Variants in GSE1 observed in about 807,000 individuals in gnomAD.
The protein encoded by GSE1 is genetic suppressor element 1.
In GSE1, 32 loss-of-function variants were observed where a neutral mutation model predicts 112.6. The ratio of observed to expected loss-of-function variants is 0.28; its 90% CI spans 0.21 to 0.38. The LOEUF (loss-of-function observed/expected upper bound fraction) is 0.38, where lower values mean the gene tolerates loss of function less well. Among genes scored for constraint, GSE1 ranks in the 10% least tolerant of loss-of-function variants. The probability of loss-of-function intolerance (pLI) is 1.00; values close to 1 mark genes in which losing one functional copy is unlikely to be tolerated. For synonymous variants in GSE1, 1,115 were observed against 735.6 expected (o/e 1.52, Z -8.35); for missense variants, 2,348 against 1,699.2 (o/e 1.38, Z -6.71).
chr16:85,504,968 C>T (rs780914870), intron 2 of GSE1, among the ~76,000 whole-genome samples: 5 of 152,116 alleles, frequency 3.3e-5, no homozygotes, highest in Non-Finnish European at 7.3e-5. Flanking sequence ...TCGAGAGTTC[C>T]TTCTGTTCCC....
intron 1 of GSE1, among the ~76,000 whole-genome samples, chr16:85,299,433 G>A (rs947528033): frequency 1.2e-4 from 18 of 152,166 alleles, no homozygotes; most frequent in African/African-American, 4.3e-4. Flanking sequence ...CTGGCCACAG[G>A]GGAATCCAGG....
At chr16:85,235,570 TGTGGG>T (rs1904536393) in intron 1 of GSE1, among the ~76,000 whole-genome samples, 1 of 24,312 alleles carries the variant, frequency 4.1e-5, no homozygotes, top group Non-Finnish European at 8.7e-5. Context: ...TATGTGTGTG[TGTGGG>T]TGGGGGGGGG....
At chr16:85,335,378 A>G (rs4783167) in intron 1 of GSE1, among the ~76,000 whole-genome samples, 124,726 of 152,282 alleles carry the variant, frequency 0.82, 51,431 homozygotes, top group East Asian at 1. Flanking sequence ...GAGTGAGTTC[A>G]GTCGGCTTTT....
chr16:85,401,381 G>A (rs2048111241), intron 2 of GSE1, among the ~76,000 whole-genome samples: 1 of 152,168 alleles, frequency 6.6e-6, no homozygotes, highest in African/African-American at 2.4e-5. Flanking sequence ...TGGGGCACCA[G>A]GGGTGGGGGC....
intron 2 of GSE1, among the ~76,000 whole-genome samples, chr16:85,394,133 G>A (rs186558243): frequency 8.5e-5 from 13 of 152,176 alleles, no homozygotes; most frequent in Admixed American, 2.6e-4. Context: ...GTCGGGGACC[G>A]GGGAAGGCTC....
chr16:85,389,494 G>T lies in GSE1; in HGVS notation c.2464+31851G>T, dbSNP rs370232259. Among the ~76,000 whole-genome samples, 45 of 151,426 alleles carry T rather than the reference G, an allele frequency of 3.0e-4. No homozygotes were observed. In the East Asian group the frequency reaches 8.2e-3, roughly 28 times the overall value. ...AAAAAAAAAAAAAGTGGCTGCTAGG[G>T]TCATACCAGGGGCTGAGGGTGGGGG... On this transcript the variant is annotated intron_variant, in intron 2 of 2. Transcript: ENST00000637419.
chr16:85,626,953 T>C (rs1417529707), intron 1 of GSE1, among the ~76,000 whole-genome samples: 3 of 148,096 alleles, frequency 2.0e-5, no homozygotes, highest in East Asian at 2.0e-4. Context: ...TCTGAAGAAC[T>C]AAGAACGAGA....
rs1029746340 is a variant in GSE1 at position 85,613,378 on chromosome 16, T to C, written c.-14T>C. The C allele has an allele frequency of 2.6e-6, 4 of 1,567,944 alleles. No homozygotes were observed. Among genetic ancestry groups the C allele is most frequent in the Non-Finnish European group, 3.5e-6 (4 of 1,157,626 alleles). The stretch of plus-strand genomic sequence containing the variant: ...CAGCATGTATCAGCCGAGGTGGAGC[T>C]GCGGGGCCCTGGCATGAAAGGTGAG... On this transcript the variant is annotated 5_prime_UTR_variant, in exon 1 of 16. Coordinates refer to ENST00000253458, the MANE Select transcript of GSE1 (RefSeq NM_014615.5).
At chr16:85,372,208 C>T (rs191253304) in intron 2 of GSE1, among the ~76,000 whole-genome samples, 1 of 152,124 alleles carries the variant, frequency 6.6e-6, no homozygotes, top group Non-Finnish European at 1.5e-5. Context: ...AAGAAGGAAC[C>T]CCTGGCGGGC....
intron 2 of GSE1, among the ~76,000 whole-genome samples, chr16:85,466,384 G>A (rs2050121305): frequency 6.6e-6 from 1 of 152,194 alleles, no homozygotes; most frequent in Admixed American, 6.5e-5. Flanking sequence ...TGTGAACCCT[G>A]CGGATCCCTG....
At chr16:85,195,052 C>A (rs544862802) in intron 1 of GSE1, among the ~76,000 whole-genome samples, 2 of 152,130 alleles carry the variant, frequency 1.3e-5, no homozygotes, top group African/African-American at 2.4e-5. Context: ...AGAAACAGAC[C>A]TGTTCAGACT....
At chr16:85,647,542 C>G (rs1441899773) in intron 2 of GSE1, among the ~76,000 whole-genome samples, 2 of 152,200 alleles carry the variant, frequency 1.3e-5, no homozygotes, top group Non-Finnish European at 2.9e-5. Context: ...TCAGCCACCA[C>G]CGCACTGCAT....
chr16:85,208,009 G>C (rs1442023048), intron 1 of GSE1: 8 of 152,090 alleles, frequency 5.3e-5, no homozygotes, highest in Admixed American at 5.2e-4. Flanking sequence ...GGGTCCCTGG[G>C]GACAGAGGAA....
chr16:85,413,168 G>T (rs1444390700), intron 2 of GSE1, among the ~76,000 whole-genome samples: 3 of 152,220 alleles, frequency 2.0e-5, no homozygotes, highest in Admixed American at 6.5e-5. Flanking sequence ...CAACAAGCAC[G>T]TGGAAGTGCC....
chr16:85,594,021 A>T (rs1344789491), intron 1 of GSE1: 1 of 151,670 alleles, frequency 6.6e-6, no homozygotes, highest in African/African-American at 2.4e-5. Flanking sequence ...CGGGCACACC[A>T]CACACTCGCC....
intron 1 of GSE1, among the ~76,000 whole-genome samples, chr16:85,301,685 G>T: frequency 6.6e-6 from 1 of 152,208 alleles, no homozygotes; most frequent in East Asian, 1.9e-4. Flanking sequence ...CTTTGCCTCT[G>T]TGCCCTTGAA....
intron 1 of GSE1, among the ~76,000 whole-genome samples, chr16:85,233,978 G>T (rs1904343698): frequency 1.3e-5 from 2 of 152,122 alleles, no homozygotes; most frequent in African/African-American, 4.8e-5. Flanking sequence ...AACCTGAATG[G>T]GCCCCAGAAC....
chr16:85,615,130 C>T (rs1400815880), intron 1 of GSE1, among the ~76,000 whole-genome samples: 2 of 152,238 alleles, frequency 1.3e-5, no homozygotes, highest in African/African-American at 2.4e-5. Flanking sequence ...CAGTGTTGCT[C>T]ACCCTGTGTT....
chr16:85,209,293 A>G (rs2075181745), intron 1 of GSE1, among the ~76,000 whole-genome samples: 1 of 152,054 alleles, frequency 6.6e-6, no homozygotes, highest in African/African-American at 2.4e-5. Context: ...GGATTAAGGA[A>G]CTTGCCCAAA....
Sources: gnomAD v4.1 joint callset for allele counts (sites outside exome capture counted in the v4.1 genomes callset) on GRCh38, gnomAD v4.1.1 for gene constraint, MANE v1.5 for transcripts, NCBI Gene and HGNC (gene_info 2026-07-23, HGNC 2026-07-21) for gene names.